Variants in CTTNBP2 observed in about 807,000 individuals in gnomAD.
CTTNBP2 encodes the protein cortactin-binding protein 2.
A neutral mutation model predicts 156.9 loss-of-function variants in CTTNBP2; 108 were observed. The ratio of observed to expected loss-of-function variants is 0.69; its 90% CI spans 0.59 to 0.81. The LOEUF (loss-of-function observed/expected upper bound fraction) is 0.81. Ranked by LOEUF, CTTNBP2 falls within the 30% of genes least tolerant of loss-of-function variation. The pLI, the probability that CTTNBP2 is intolerant of heterozygous loss-of-function variation, is 0.00. For synonymous variants in CTTNBP2, 767 were observed against 751.8 expected (o/e 1.02, Z -0.33); for missense variants, 1,924 against 2,035.4 (o/e 0.95, Z 1.05).
intron 2 of CTTNBP2, among the ~76,000 whole-genome samples, chr7:117,849,785 C>T (rs1210132270): frequency 6.6e-6 from 1 of 152,196 alleles, no homozygotes; most frequent in Admixed American, 6.5e-5. Flanking sequence ...GAACTCTTTT[C>T]TCTGGGCTTT....
chr7:117,824,202 G>T, intron 2 of CTTNBP2, among the ~76,000 whole-genome samples: 1 of 150,490 alleles, frequency 6.6e-6, no homozygotes, highest in East Asian at 2.0e-4. Flanking sequence ...ACCTTATTAA[G>T]CCAATTCTTT....
chr7:117,824,692 C>T (rs1801173240), intron 2 of CTTNBP2, among the ~76,000 whole-genome samples: 1 of 152,238 alleles, frequency 6.6e-6, no homozygotes, highest in Non-Finnish European at 1.5e-5. Flanking sequence ...AGCAATCTGC[C>T]TCCAAGATCT....
Position 117,716,208 on chromosome 7 carries a change from G to T in CTTNBP2, c.4746+1810C>A, listed in dbSNP as rs561640861. ...TTTAAAAAATATCTTAAACAAAGCT[G>T]CCCAGAACTTTGACTTTCAGTACTA... is the stretch of plus-strand genomic sequence containing the variant. On this transcript the variant is annotated intron_variant, in intron 22 of 22. Transcript: ENST00000160373. 6.1e-4 allele frequency among the ~76,000 whole-genome samples: 65 copies of T among 105,782 alleles called. 2 individuals are homozygous for T. The highest frequency in any genetic ancestry group is 2.1e-3 in the African/African-American group (61 of 28,706). 69.4% of individuals were successfully genotyped at this position (105,782 alleles called of 152,430 possible).
intron 14 of CTTNBP2, 107 bp from the exon 15 acceptor site, chr7:117,735,528 A>G: frequency 2.2e-6 from 2 of 907,870 alleles, no homozygotes; most frequent in Middle Eastern, 3.5e-4. Context: ...AAGATGTGGT[A>G]TAATGGGAAT....
intron 7 of CTTNBP2, among the ~76,000 whole-genome samples, chr7:117,779,977 CT>C (rs1396777449): frequency 2.0e-5 from 3 of 152,092 alleles, no homozygotes; most frequent in African/African-American, 7.2e-5. Flanking sequence ...TCAGGCTGGT[CT>C]TGAATTCCTG....
intron 6 of CTTNBP2, among the ~76,000 whole-genome samples, 156 bp downstream of exon 6, chr7:117,782,706 C>T (rs1221101300): frequency 6.6e-6 from 1 of 152,172 alleles, no homozygotes; most frequent in Admixed American, 6.5e-5. Context: ...ATTTAGAATC[C>T]TAGTTTGCAT....
intron 14 of CTTNBP2, among the ~76,000 whole-genome samples, chr7:117,736,317 A>G (rs1228494367): frequency 6.6e-6 from 1 of 152,056 alleles, no homozygotes; most frequent in Non-Finnish European, 1.5e-5. Context: ...TTAGACAGAT[A>G]GGGTGGCAGG....
chr7:117,772,381 C>A (rs770605222), intron 8 of CTTNBP2, among the ~76,000 whole-genome samples: 1 of 152,172 alleles, frequency 6.6e-6, no homozygotes, highest in East Asian at 1.9e-4. Flanking sequence ...GAAGATGGAG[C>A]AAGTAAACAA....
intron 17 of CTTNBP2, among the ~76,000 whole-genome samples, chr7:117,725,470 CTGAT>C (rs1023649561): frequency 2.0e-5 from 3 of 152,138 alleles, no homozygotes; most frequent in African/African-American, 4.8e-5. Context: ...TCAAATGAAA[CTGAT>C]TGTTTACATG....
chr7:117,736,530 GT>G (rs1795717116), intron 14 of CTTNBP2, among the ~76,000 whole-genome samples: 1 of 152,110 alleles, frequency 6.6e-6, no homozygotes, highest in African/African-American at 2.4e-5. Context: ...GTAATTTGTG[GT>G]CTCAGAAACA....
At chr7:117,860,476 G>A (rs1803649241) in intron 2 of CTTNBP2, among the ~76,000 whole-genome samples, 1 of 151,856 alleles carries the variant, frequency 6.6e-6, no homozygotes, top group South Asian at 2.1e-4. Context: ...CCGAATAGCT[G>A]GGACTACACG....
intron 21 of CTTNBP2, among the ~76,000 whole-genome samples, chr7:117,718,804 T>C (rs1318495490): frequency 6.6e-6 from 1 of 152,230 alleles, no homozygotes; most frequent in Non-Finnish European, 1.5e-5. Flanking sequence ...TCTGCTGTGA[T>C]GCTTGTTATA....
intron 14 of CTTNBP2, 75 bp from the exon 15 acceptor site, chr7:117,735,496 C>G (rs1183622187): frequency 9.9e-6 from 13 of 1,314,324 alleles, no homozygotes; most frequent in Non-Finnish European, 1.4e-5. Flanking sequence ...CTAAAAAAGT[C>G]TGAAGTTATA....
chr7:117,808,055 G>T (rs1393585759), intron 3 of CTTNBP2, among the ~76,000 whole-genome samples: 4 of 152,114 alleles, frequency 2.6e-5, no homozygotes, highest in African/African-American at 7.2e-5. Flanking sequence ...AATACACACA[G>T]TTATTTTTAG....
At chr7:117,775,193 A>C (rs1157878972) in intron 8 of CTTNBP2, among the ~76,000 whole-genome samples, 1 of 152,190 alleles carries the variant, frequency 6.6e-6, no homozygotes, top group African/African-American at 2.4e-5. Flanking sequence ...GGGCTTAAAA[A>C]ATATATTAAT....
chr7:117,780,515 C>G lies in CTTNBP2; in HGVS notation c.2449G>C (p.Ala817Pro), dbSNP rs527241686. The change falls in exon 7 of 23, where the codon GCC becomes CCC. Residue 817 changes from alanine (A) to proline (P), a missense_variant. Physicochemically the swap from Ala to Pro is conservative, Grantham distance 27 (BLOSUM62 -1). Coordinates refer to ENST00000160373, the MANE Select transcript of CTTNBP2 (RefSeq NM_033427.3). ...CATTCTTTATTTCCATTTTTACAGG[C>G]CAGGTATAGAGGTGTCTGTCCTCCA... is the stretch of plus-strand genomic sequence containing the variant. ...ADGGQTPLYL[A>P]CKNGNKECIK... The G allele has an allele frequency of 6.3e-7, 1 of 1,599,546 alleles. No homozygotes were observed. The highest frequency in any genetic ancestry group is 8.5e-7 in the Non-Finnish European group (1 of 1,172,284).
At chr7:117,836,991 T>G (rs759989784) in intron 2 of CTTNBP2, among the ~76,000 whole-genome samples, 4 of 152,160 alleles carry the variant, frequency 2.6e-5, no homozygotes, top group Non-Finnish European at 5.9e-5. Flanking sequence ...CCAAACCATA[T>G]CACCATCCAA....
At chr7:117,804,558 C>A (rs963914331) in intron 3 of CTTNBP2, among the ~76,000 whole-genome samples, 1 of 152,222 alleles carries the variant, frequency 6.6e-6, no homozygotes, top group East Asian at 1.9e-4. Context: ...AAGAAAATGT[C>A]GTACATATAC....
At chr7:117,831,007 G>A (rs1194382873) in intron 2 of CTTNBP2, among the ~76,000 whole-genome samples, 1 of 151,808 alleles carries the variant, frequency 6.6e-6, no homozygotes, top group Non-Finnish European at 1.5e-5. Flanking sequence ...ATGAACTTCA[G>A]GGTTAAAGTG....
Sources: gnomAD v4.1 joint callset for allele counts (sites outside exome capture counted in the v4.1 genomes callset) on GRCh38, gnomAD v4.1.1 for gene constraint, MANE v1.5 for transcripts, NCBI Gene and HGNC (gene_info 2026-07-23, HGNC 2026-07-21) for gene names.